Variants in VDAC1 observed in about 807,000 individuals in gnomAD.
VDAC1 encodes the protein non-selective voltage-gated ion channel VDAC1.
A neutral mutation model predicts 34.7 loss-of-function variants in VDAC1; 10 were observed. That is an observed-to-expected ratio of 0.29 (90% CI 0.18 to 0.49). VDAC1 has a LOEUF of 0.49. Ranked by LOEUF, VDAC1 falls within the 20% of genes least tolerant of loss-of-function variation. The probability of loss-of-function intolerance (pLI) is 0.99; values close to 1 mark genes in which losing one functional copy is unlikely to be tolerated. For missense variants in VDAC1, 230 were observed against 347.9 expected (o/e 0.66, Z 2.69); for synonymous variants, 130 against 136.0 (o/e 0.96, Z 0.30).
At chr5:134,045,592 C>A in the VDAC1 span, among the ~76,000 whole-genome samples, 1 of 152,250 alleles carries the variant, frequency 6.6e-6, no homozygotes, top group East Asian at 1.9e-4. Context: ...CTAATATGGA[C>A]TCTTCTGCCT....
At chr5:134,008,103 T>C (rs1753784409), upstream of VDAC1, among the ~76,000 whole-genome samples, 1 of 152,144 alleles carries the variant, frequency 6.6e-6, no homozygotes, top group African/African-American at 2.4e-5. Flanking sequence ...TAGAGCCCTG[T>C]ATACCTCTCC....
the VDAC1 span, among the ~76,000 whole-genome samples, chr5:134,070,804 C>T: frequency 1.3e-5 from 2 of 152,186 alleles, no homozygotes; most frequent in South Asian, 4.1e-4. Context: ...CACGGTTTCC[C>T]AGTTCTAAGC....
chr5:134,093,618 T>C, the VDAC1 span, among the ~76,000 whole-genome samples: 2 of 152,192 alleles, frequency 1.3e-5, no homozygotes, highest in Non-Finnish European at 2.9e-5. Context: ...TTCCCAGATG[T>C]GACTTCAGAT....
At chr5:134,067,620 GAA>G in the VDAC1 span, among the ~76,000 whole-genome samples, 1 of 41,380 alleles carries the variant, frequency 2.4e-5, no homozygotes, top group Non-Finnish European at 6.8e-5. Context: ...TTTAAAAAAA[GAA>G]GAAGGAGGAG....
the VDAC1 span, among the ~76,000 whole-genome samples, chr5:134,071,662 G>A: frequency 1.3e-5 from 2 of 152,240 alleles, no homozygotes; most frequent in Non-Finnish European, 2.9e-5. The surrounding 1 kb of genome is among the most constrained non-coding windows in gnomAD (Gnocchi z 4.1). Flanking sequence ...TGAAAGAAAT[G>A]AGAAGTTAAG....
chr5:133,986,670 G>GC (rs1752919186), intron 5 of VDAC1, among the ~76,000 whole-genome samples: 1 of 152,158 alleles, frequency 6.6e-6, no homozygotes, highest in South Asian at 2.1e-4. Flanking sequence ...GCAGGCATGA[G>GC]CCCCCGCGCC....
At chr5:134,094,209 G>A in the VDAC1 span, among the ~76,000 whole-genome samples, 2 of 152,234 alleles carry the variant, frequency 1.3e-5, no homozygotes, top group Admixed American at 6.5e-5. Context: ...CCTTCCTGCA[G>A]GTGCAGGTCA....
At chr5:134,063,127 T>C in the VDAC1 span, among the ~76,000 whole-genome samples, 1 of 152,338 alleles carries the variant, frequency 6.6e-6, no homozygotes, top group South Asian at 2.1e-4. Flanking sequence ...TTTCCCTATA[T>C]CTGTCATCTA....
upstream of VDAC1, chr5:134,005,677 G>A (rs1238640957): frequency 1.3e-5 from 2 of 152,226 alleles, no homozygotes; most frequent in Non-Finnish European, 2.9e-5. Flanking sequence ...CGTGTCCTGC[G>A]GGACCCAGTT....
the VDAC1 span, among the ~76,000 whole-genome samples, chr5:134,064,260 C>T: frequency 6.6e-6 from 1 of 152,074 alleles, no homozygotes; most frequent in South Asian, 2.1e-4. Flanking sequence ...AGATTACAGG[C>T]GTGAGCCATC....
At chr5:134,097,429 G>A in the VDAC1 span, among the ~76,000 whole-genome samples, 1 of 152,156 alleles carries the variant, frequency 6.6e-6, no homozygotes, top group Admixed American at 6.5e-5. Flanking sequence ...GGGAAAAAAA[G>A]GTTTTTAAAA....
chr5:134,106,685 C>T, the VDAC1 span, among the ~76,000 whole-genome samples: 11 of 152,218 alleles, frequency 7.2e-5, no homozygotes, highest in East Asian at 2.1e-3. Flanking sequence ...GGATTACAGG[C>T]GTGAGCCACC....
At chr5:134,087,035 C>T in the VDAC1 span, among the ~76,000 whole-genome samples, 1 of 152,066 alleles carries the variant, frequency 6.6e-6, no homozygotes, top group African/African-American at 2.4e-5. Context: ...ATGAGGGCGG[C>T]GTGCGGTGGG....
the VDAC1 span, among the ~76,000 whole-genome samples, chr5:134,068,961 G>A: frequency 2.5e-5 from 3 of 120,684 alleles, no homozygotes; most frequent in Admixed American, 9.2e-5. Context: ...TTCTCTGGGA[G>A]GTGACTGTGT....
intron 5 of VDAC1, among the ~76,000 whole-genome samples, chr5:133,981,714 CTAT>C (rs1752707640): frequency 6.6e-6 from 1 of 152,192 alleles, no homozygotes; most frequent in African/African-American, 2.4e-5. Flanking sequence ...ACCTGCAGAC[CTAT>C]TATTACCATG....
chr5:134,021,113 C>T, the VDAC1 span, among the ~76,000 whole-genome samples: 6 of 151,538 alleles, frequency 4.0e-5, no homozygotes, highest in African/African-American at 7.3e-5. Context: ...ACCTGAACCC[C>T]GGGAGGTCAA....
In VDAC1 at chr5:133,972,536, C is replaced by T. The variant is rs1752337879; in HGVS notation, c.*235G>A. On this transcript the variant is annotated 3_prime_UTR_variant, in exon 9 of 9. Coordinates refer to ENST00000265333, the MANE Select transcript of VDAC1 (RefSeq NM_003374.3). The stretch of plus-strand genomic sequence containing the variant: ...TAGATAAAAAAGAAACCTGGCATCT[C>T]AAAGGGGCCACCAAGTTCTCCCCGA... The T allele has an allele frequency of 4.5e-6, 2 of 444,362 alleles. No homozygotes were observed. The highest frequency in any genetic ancestry group is 7.9e-6 in the Non-Finnish European group (2 of 251,886). The allele number at this position is 444,362 out of a possible 1,614,324, so 27.5% of individuals were successfully genotyped here. A position where few individuals can be genotyped will look rare whatever the true frequency, so the allele number is the denominator to read the frequency against.
intron 5 of VDAC1, among the ~76,000 whole-genome samples, chr5:133,982,494 A>G (rs1752736932): frequency 1.3e-5 from 2 of 150,026 alleles, no homozygotes; most frequent in Admixed American, 1.3e-4. Context: ...CCTGGGCGAC[A>G]GAGTAAGACT....
At chr5:134,069,011 T>TGTGTGC in the VDAC1 span, among the ~76,000 whole-genome samples, 2 of 107,968 alleles carry the variant, frequency 1.9e-5, no homozygotes, top group Non-Finnish European at 4.1e-5. Context: ...TGTGTGTGTG[T>TGTGTGC]TCACGTGCGC....
Sources: gnomAD v4.1 joint callset for allele counts (sites outside exome capture counted in the v4.1 genomes callset) on GRCh38, gnomAD v4.1.1 for gene constraint, Gnocchi (gnomAD v3.1) non-coding constraint, MANE v1.5 for transcripts, NCBI Gene and HGNC (gene_info 2026-07-23, HGNC 2026-07-21) for gene names.